SLC44A5: variants seen among roughly 807,000 people sequenced by gnomAD.
SLC44A5 encodes choline transporter-like protein 5.
SLC44A5 carries 57 observed loss-of-function variants against 101.8 expected under a neutral mutation model. The ratio of observed to expected loss-of-function variants is 0.56; its 90% CI spans 0.45 to 0.70. The LOEUF is 0.70. Among genes scored for constraint, SLC44A5 ranks in the 30% least tolerant of loss-of-function variants. The pLI, the probability that SLC44A5 is intolerant of heterozygous loss-of-function variation, is 0.00. For synonymous variants in SLC44A5, 281 were observed against 290.9 expected (o/e 0.97, Z 0.35); for missense variants, 737 against 853.1 (o/e 0.86, Z 1.70).
intron 2 of SLC44A5, among the ~76,000 whole-genome samples, chr1:75,515,171 G>C (rs1055156664): frequency 6.6e-5 from 10 of 151,898 alleles, no homozygotes; most frequent in Non-Finnish European, 1.0e-4. Context: ...ACTTATAATT[G>C]TATAAATTTA....
chr1:75,666,807 A>G, the SLC44A5 span, among the ~76,000 whole-genome samples: 1 of 152,238 alleles, frequency 6.6e-6, no homozygotes, highest in Non-Finnish European at 1.5e-5. Context: ...AATGTGATCC[A>G]TCACATAAAC....
At chr1:75,516,721 T>C (rs74089297) in intron 2 of SLC44A5, among the ~76,000 whole-genome samples, 4,025 of 152,248 alleles carry the variant, frequency 0.026, 169 homozygotes, top group African/African-American at 0.092. Flanking sequence ...TCCAGCACAA[T>C]GCATGGCACA....
intron 7 of SLC44A5, among the ~76,000 whole-genome samples, chr1:75,249,378 G>A (rs1056192538): frequency 1.3e-5 from 2 of 152,064 alleles, no homozygotes; most frequent in East Asian, 1.9e-4. Flanking sequence ...GCCTTTCACT[G>A]TTAAAATAAT....
At chr1:75,558,126 T>C (rs1320697627) in intron 1 of SLC44A5, among the ~76,000 whole-genome samples, 2 of 152,138 alleles carry the variant, frequency 1.3e-5, no homozygotes, top group African/African-American at 2.4e-5. Flanking sequence ...CAAATGTCCT[T>C]CTGATTTCTC....
At chr1:75,399,899 C>A (rs1036690554) in intron 2 of SLC44A5, among the ~76,000 whole-genome samples, 1 of 152,110 alleles carries the variant, frequency 6.6e-6, no homozygotes, top group African/African-American at 2.4e-5. Context: ...TATTGCAGAA[C>A]TGTTCGAAAT....
intron 1 of SLC44A5, among the ~76,000 whole-genome samples, chr1:75,575,248 CAT>C (rs956043482): frequency 6.6e-5 from 10 of 152,310 alleles, no homozygotes; most frequent in African/African-American, 1.9e-4. Flanking sequence ...GCTTCCCCCA[CAT>C]GTGTCATTAT....
intron 23 of SLC44A5, among the ~76,000 whole-genome samples, chr1:75,208,553 TATG>T (rs1418191687): frequency 3.3e-5 from 5 of 152,188 alleles, no homozygotes; most frequent in Non-Finnish European, 5.9e-5. Flanking sequence ...GGCCACAGTG[TATG>T]ATAAGTGCTT....
At chr1:75,340,395 A>G (rs553200608) in intron 3 of SLC44A5, among the ~76,000 whole-genome samples, 32 of 152,238 alleles carry the variant, frequency 2.1e-4, no homozygotes, top group Non-Finnish European at 4.0e-4. Context: ...CTCTTCCCCT[A>G]CAACCTAAGC....
chr1:75,316,849 G>A (rs1027897863), intron 4 of SLC44A5, among the ~76,000 whole-genome samples: 2 of 152,106 alleles, frequency 1.3e-5, no homozygotes, highest in African/African-American at 4.8e-5. Context: ...CACTACCAGG[G>A]CACATGGCCA....
intron 3 of SLC44A5, chr1:75,357,287 C>G (rs1659153057): frequency 6.6e-6 from 3 of 452,892 alleles, no homozygotes; most frequent in Middle Eastern, 3.3e-4. Context: ...CTTGGAGGCT[C>G]AGGCAGCCTG....
intron 5 of SLC44A5, among the ~76,000 whole-genome samples, chr1:75,291,818 T>C (rs1218829526): frequency 2.0e-5 from 3 of 151,986 alleles, no homozygotes; most frequent in Non-Finnish European, 4.4e-5. Flanking sequence ...GAGACCATCC[T>C]GGCTAACATG....
chr1:75,404,028 A>G (rs1357320207), intron 2 of SLC44A5, among the ~76,000 whole-genome samples: 1 of 151,996 alleles, frequency 6.6e-6, no homozygotes, highest in African/African-American at 2.4e-5. Flanking sequence ...GCTGCAAAAC[A>G]CAGCACAAGA....
intron 1 of SLC44A5, among the ~76,000 whole-genome samples, chr1:75,572,176 A>G (rs1673109845): frequency 6.6e-6 from 1 of 152,214 alleles, no homozygotes; most frequent in Non-Finnish European, 1.5e-5. Flanking sequence ...CATAAGATCC[A>G]AGTAACAGGG....
chr1:75,271,497 T>TTG (rs4035634), intron 6 of SLC44A5, among the ~76,000 whole-genome samples: 109 of 146,380 alleles, frequency 7.4e-4, no homozygotes, highest in African/African-American at 1.1e-3. Context: ...TCTGCATGTT[T>TTG]TGTGTGTGTG....
chr1:75,228,169 G>A (rs752724548), intron 12 of SLC44A5, among the ~76,000 whole-genome samples: 13 of 152,184 alleles, frequency 8.5e-5, no homozygotes, highest in East Asian at 3.9e-4. Context: ...AGAAAGATGC[G>A]TCAAAAACTC....
In SLC44A5 at chr1:75,238,979, T is replaced by C. The variant is rs1256394529; in HGVS notation, c.533-343A>G. Among the ~76,000 whole-genome samples the C allele has an allele frequency of 7.0e-4, 107 of 152,124 alleles. 1 individual carries two copies. The highest frequency in any genetic ancestry group is 2.9e-5 in the Non-Finnish European group (2 of 67,994). ...AGCACATTTTAGTAGAAAGGCCACA[T>C]TAACTTGTATGACTGGATGAGTTTA... is the stretch of plus-strand genomic sequence containing the variant. On this transcript the variant is annotated intron_variant, in intron 9 of 23. Transcript: ENST00000370859.
At chr1:75,512,727 G>A (rs1200873395) in intron 2 of SLC44A5, among the ~76,000 whole-genome samples, 1 of 152,198 alleles carries the variant, frequency 6.6e-6, no homozygotes, top group East Asian at 1.9e-4. Context: ...TAATGGAGTA[G>A]GAGTAGAGGA....
chr1:75,588,854 T>C (rs1194009804), intron 1 of SLC44A5, among the ~76,000 whole-genome samples: 1 of 152,312 alleles, frequency 6.6e-6, no homozygotes, highest in African/African-American at 2.4e-5. Flanking sequence ...GAACAAGGCA[T>C]GAAATTTACA....
the SLC44A5 span, among the ~76,000 whole-genome samples, chr1:75,669,640 T>C: frequency 1.3e-5 from 2 of 152,168 alleles, no homozygotes; most frequent in Non-Finnish European, 2.9e-5. Context: ...TTGTCAGAAT[T>C]CTGACGCCAC....
Sources: gnomAD v4.1 joint callset for allele counts (sites outside exome capture counted in the v4.1 genomes callset) on GRCh38, gnomAD v4.1.1 for gene constraint, MANE v1.5 for transcripts, NCBI Gene and HGNC (gene_info 2026-07-23, HGNC 2026-07-21) for gene names.